The following CD36 variants were observed in gnomAD, a reference collection of about 807,000 sequenced individuals.
CD36 encodes the protein CD36 molecule (CD36 blood group).
CD36 carries 119 observed loss-of-function variants against 55.2 expected under a neutral mutation model. That is an observed-to-expected ratio of 2.15 (90% CI 1.86 to 2.51). The LOEUF is 2.51. CD36 is among the 30% of genes most tolerant of loss of function. The probability of loss-of-function intolerance (pLI) is 0.00; values close to 1 mark genes in which losing one functional copy is unlikely to be tolerated. For missense variants in CD36, 819 were observed against 555.5 expected (o/e 1.47, Z -4.77); for synonymous variants, 186 against 193.6 (o/e 0.96, Z 0.33).
At chr7:80,675,704 T>G (rs188472449) in intron 14 of CD36, among the ~76,000 whole-genome samples, 1 of 152,234 alleles carries the variant, frequency 6.6e-6, no homozygotes, top group African/African-American at 2.4e-5. Flanking sequence ...GCTCTTAATA[T>G]CATAAAAATT....
At chr7:80,670,921 T>A (rs2116854239) in intron 9 of CD36, 56 bp from the exon 10 acceptor site, 1 of 1,153,734 alleles carries the variant, frequency 8.7e-7, no homozygotes, top group Non-Finnish European at 1.3e-6. Flanking sequence ...AAAAAATGAA[T>A]CTCCAGAATG....
chr7:80,669,953 A>G lies in CD36; in HGVS notation c.749A>G (p.Asp250Gly), dbSNP rs1375879584. ...ESHCDMINGT[D>G]AASFPPFVEK... Reference sequence around the variant, plus strand: ...CATTTGCCACTCGATTTTTAAACAGATGCAGCCTCATTTCCACCTTTTGTT... The same window carrying G: ...CATTTGCCACTCGATTTTTAAACAGGTGCAGCCTCATTTCCACCTTTTGTT... The change falls in exon 9 of 15, where the codon GAT becomes GGT. Residue 250 changes from aspartate (D) to glycine (G), a missense_variant and splice_region_variant. Physicochemically the swap from Asp to Gly is moderately conservative, Grantham distance 94. Coordinates refer to ENST00000447544, the MANE Select transcript of CD36 (RefSeq NM_001001548.3). 1.2e-6 allele frequency: 2 copies of G among 1,610,000 alleles called. No individual in the cohort carries two copies. The highest frequency in any genetic ancestry group is 1.7e-6 in the Non-Finnish European group (2 of 1,176,478).
At chr7:80,672,213 C>A (rs1429878895) in intron 11 of CD36, among the ~76,000 whole-genome samples, 173 bp downstream of exon 11, 1 of 151,528 alleles carries the variant, frequency 6.6e-6, no homozygotes, top group Admixed American at 6.6e-5. Flanking sequence ...TGAAGTGATT[C>A]TAATTGGCTT....
At chr7:80,632,173 T>C (rs1794108522) in intron 1 of CD36, among the ~76,000 whole-genome samples, 2 of 151,964 alleles carry the variant, frequency 1.3e-5, no homozygotes, top group South Asian at 2.1e-4. Context: ...TTTGAAATTA[T>C]TAGCAGAAGC....
At position 80,674,071 on chromosome 7, in the gene CD36, TACTC is replaced by T. The variant is rs1261881244; in HGVS notation, c.1345_1348del (p.Leu449ValfsTer5). ...CTCCTTGGCCTGATAGAAATGATCT[TACTC>T]AGTGTTGGTGTGGTGATGTTTGTTG... is the stretch of plus-strand genomic sequence containing the variant. On this transcript the variant is annotated frameshift_variant, in exon 14 of 15. Coordinates refer to ENST00000447544, the MANE Select transcript of CD36 (RefSeq NM_001001548.3). LOFTEE classifies it high-confidence loss of function. 6 of 1,610,318 alleles carry T rather than the reference TACTC, an allele frequency of 3.7e-6. No individual in the cohort carries two copies. Among genetic ancestry groups the T allele is most frequent in the Middle Eastern group, 3.3e-4 (2 of 6,070 alleles).
At chr7:80,613,820 T>C (rs1247099252) in intron 1 of CD36, among the ~76,000 whole-genome samples, 1 of 152,136 alleles carries the variant, frequency 6.6e-6, no homozygotes, top group Non-Finnish European at 1.5e-5. Flanking sequence ...AAAAGGTAAA[T>C]ATTATCAATA....
At position 80,661,084 on chromosome 7, in the gene CD36, A is replaced by T. The variant is rs1429411450; in HGVS notation, c.303A>T (p.Glu101Asp). Residue 101 changes from glutamate to aspartate, a missense_variant, in exon 5 of 15, where the codon GAA becomes GAT. Physicochemically the swap from Glu to Asp is conservative, Grantham distance 45. Coordinates refer to ENST00000447544, the MANE Select transcript of CD36 (RefSeq NM_001001548.3). ...YTYRVRFLAK[E>D]NVTQDAEDNT... is the part of the protein sequence containing the mutation. ...TTAGAGTTCGTTTTCTAGCCAAGGAAAATGTAACCCAGGACGCTGAGGACA... is the reference window on the plus strand; with the variant it reads ...TTAGAGTTCGTTTTCTAGCCAAGGATAATGTAACCCAGGACGCTGAGGACA... 1 of 1,613,800 alleles carries T rather than the reference A, an allele frequency of 6.2e-7. No individual in the cohort carries two copies. The highest frequency in any genetic ancestry group is 1.3e-5 in the African/African-American group (1 of 74,936).
At chr7:80,666,859 A>T (rs530960157) in intron 8 of CD36, among the ~76,000 whole-genome samples, 1 of 152,212 alleles carries the variant, frequency 6.6e-6, no homozygotes, top group Non-Finnish European at 1.5e-5. Context: ...GAAAGAATTA[A>T]AAAAAGCTAA....
In CD36 at chr7:80,676,806, G is replaced by C. The variant is rs1172738664; in HGVS notation, c.*423G>C. 6.7e-6 allele frequency: 1 copy of C among 149,074 alleles called. No individual in the cohort carries two copies. The highest frequency in any genetic ancestry group is 1.5e-5 in the Non-Finnish European group (1 of 67,370). 9.2% of individuals were successfully genotyped at this position (149,074 alleles called of 1,614,324 possible). ...CTCTTCTGGAAATTGAGTAAATTTT[G>C]CTTTTTTTTTTTTACTCAGTTGCAA... is the stretch of plus-strand genomic sequence containing the variant. On this transcript the variant is annotated 3_prime_UTR_variant, in exon 15 of 15. Coordinates refer to ENST00000447544, the MANE Select transcript of CD36 (RefSeq NM_001001548.3).
At chr7:80,620,958 A>AT (rs1793435692) in intron 1 of CD36, among the ~76,000 whole-genome samples, 1 of 152,226 alleles carries the variant, frequency 6.6e-6, no homozygotes, top group Non-Finnish European at 1.5e-5. Flanking sequence ...TTTGGGTAAA[A>AT]TGTTATCAAA....
At position 80,666,404 on chromosome 7, in the gene CD36, A is replaced by C. The variant is rs771398906; in HGVS notation, c.702-39A>C. 4.3e-5 allele frequency: 58 copies of C among 1,350,576 alleles called. No homozygotes were observed. In the African/African-American group the frequency reaches 6.6e-4, roughly 15 times the overall value. The allele number at this position is 1,350,576 out of a possible 1,614,324, so 83.7% of individuals were successfully genotyped here. Reference sequence around the variant, plus strand: ...AAGTAATGTAAGAAAGGTATTCTTTAAATAAGAATGTTTATTCATTGTCTT... The same window carrying C: ...AAGTAATGTAAGAAAGGTATTCTTTCAATAAGAATGTTTATTCATTGTCTT... On this transcript the variant is annotated intron_variant, in intron 7 of 14. Transcript: ENST00000447544.
intron 9 of CD36, chr7:80,670,518 C>G (rs1271253055): frequency 4.6e-6 from 1 of 216,118 alleles, no homozygotes; most frequent in Non-Finnish European, 9.3e-6. Flanking sequence ...ATACGTGTAT[C>G]TGGGGATAAG....
At chr7:80,620,070 T>C (rs1793377873) in intron 1 of CD36, among the ~76,000 whole-genome samples, 1 of 152,160 alleles carries the variant, frequency 6.6e-6, no homozygotes, top group Admixed American at 6.5e-5. Context: ...CTATGAACAC[T>C]GTTGACATGA....
intron 1 of CD36, among the ~76,000 whole-genome samples, chr7:80,602,856 A>G (rs1381770270): frequency 1.3e-5 from 2 of 152,216 alleles, no homozygotes; most frequent in African/African-American, 2.4e-5. Context: ...AAATGAGACT[A>G]GAATTTGAAT....
Position 80,674,011 on chromosome 7 carries a change from A to G in CD36, c.1283A>G (p.Asn428Ser), listed in dbSNP as rs375587618. ...GGGACCATTGGTGATGAGAAGGCAA[A>G]CATGTTCAGAAGTCAAGTAACTGGA... ...ETGTIGDEKA[N>S]MFRSQVTGKI... Residue 428 changes from asparagine to serine, a missense_variant, in exon 14 of 15, where the codon AAC becomes AGC. By Grantham distance (46) the Asn-to-Ser change is conservative. Coordinates refer to ENST00000447544, the MANE Select transcript of CD36 (RefSeq NM_001001548.3). The G allele has an allele frequency of 1.4e-5, 22 of 1,612,258 alleles. No individual in the cohort carries two copies. The African/African-American group carries it at 2.4e-4, about 18-fold the overall frequency.
At chr7:80,667,753 T>TTTTTTTTTTG (rs1554344772) in intron 8 of CD36, among the ~76,000 whole-genome samples, 9 of 112,958 alleles carry the variant, frequency 8.0e-5, no homozygotes, top group African/African-American at 2.3e-4. Flanking sequence ...TTTTGTTTTT[T>TTTTTTTTTTG]TTTTTTTTTT....
At chr7:80,610,382 G>C (rs574457956) in intron 1 of CD36, among the ~76,000 whole-genome samples, 1 of 152,032 alleles carries the variant, frequency 6.6e-6, no homozygotes, top group Non-Finnish European at 1.5e-5. Context: ...CATTTACTGA[G>C]AGGGTAATTT....
At chr7:80,664,864 A>AAAAC (rs1562812990) in intron 7 of CD36, among the ~76,000 whole-genome samples, 1 of 150,154 alleles carries the variant, frequency 6.7e-6, no homozygotes, top group Non-Finnish European at 1.5e-5. Flanking sequence ...AAAAAAAAAA[A>AAAAC]AACAACACAT....
intron 4 of CD36, among the ~76,000 whole-genome samples, chr7:80,658,523 T>C (rs1584409555): frequency 6.6e-6 from 1 of 152,166 alleles, no homozygotes; most frequent in Non-Finnish European, 1.5e-5. Context: ...GGCAAGGTCT[T>C]GTTCTGTCAC....
Sources: allele counts gnomAD v4.1 joint callset (sites outside exome capture counted in the v4.1 genomes callset), GRCh38; gene constraint gnomAD v4.1.1; transcripts MANE v1.5; gene names NCBI Gene and HGNC (gene_info 2026-07-23, HGNC 2026-07-21).